ZBTB8A: variants seen among roughly 807,000 people sequenced by gnomAD.
ZBTB8A encodes the protein zinc finger and BTB domain containing 8A, also known as zinc finger and BTB domain-containing protein 8A.
ZBTB8A carries 19 observed loss-of-function variants against 37.8 expected under a neutral mutation model. The ratio of observed to expected loss-of-function variants is 0.50; its 90% CI spans 0.35 to 0.74. The LOEUF (loss-of-function observed/expected upper bound fraction) is 0.74, where lower values mean the gene tolerates loss of function less well. Ranked by LOEUF, ZBTB8A falls within the 30% of genes least tolerant of loss-of-function variation. The pLI is 0.01. For missense variants in ZBTB8A, 394 were observed against 537.8 expected, an observed-to-expected ratio of 0.73 and a Z score of 2.65; for synonymous variants, 181 against 185.2, an observed-to-expected ratio of 0.98 and a Z score of 0.19.
At chr1:32,553,256 C>T (rs888641666) in intron 1 of ZBTB8A, among the ~76,000 whole-genome samples, 7 of 152,044 alleles carry the variant, frequency 4.6e-5, no homozygotes, top group African/African-American at 1.7e-4. Flanking sequence ...GATGGGGTTT[C>T]ACCATATTGG....
At position 32,539,457 on chromosome 1, in the gene ZBTB8A, G is replaced by A. The variant is rs1243807106; in HGVS notation, c.-199G>A. The A allele has an allele frequency of 6.6e-6, 1 of 152,516 alleles. No individual in the cohort carries two copies. The highest frequency in any genetic ancestry group is 1.5e-5 in the Non-Finnish European group (1 of 68,022). 9.4% of individuals were successfully genotyped at this position (152,516 alleles called of 1,614,324 possible). A position where few individuals can be genotyped will look rare whatever the true frequency, so the allele number is the denominator to read the frequency against. On this transcript the variant is annotated 5_prime_UTR_variant, in exon 1 of 5. Coordinates refer to ENST00000373510, the MANE Select transcript of ZBTB8A (RefSeq NM_001040441.3). ...ATACCTTTTGTTTCTCTCACGTTGG[G>A]GCTACTTGTTTTAGGGCGCAAAGGA... is the stretch of plus-strand genomic sequence containing the variant.
chr1:32,556,119 G>T lies in ZBTB8A; in HGVS notation c.-2+2579G>T, dbSNP rs184860888. Among the ~76,000 whole-genome samples, 21 of 151,876 alleles carry T rather than the reference G, an allele frequency of 1.4e-4. No homozygotes were observed. In the East Asian group the frequency reaches 3.9e-3, roughly 28 times the overall value. ...GACAGAGTCTCACTCTGTCCCCCAG[G>T]CTGGAGTGCAGTAACGTGATCTCAG... On this transcript the variant is annotated intron_variant, in intron 2 of 4. Coordinates refer to ENST00000373510, the MANE Select transcript of ZBTB8A (RefSeq NM_001040441.3).
chr1:32,585,199 A>G (rs1176922341), intron 2 of ZBTB8A, among the ~76,000 whole-genome samples: 2 of 151,420 alleles, frequency 1.3e-5, no homozygotes, highest in Non-Finnish European at 2.9e-5. Flanking sequence ...TTATTTTTGT[A>G]GAGACAGTCT....
In ZBTB8A at chr1:32,544,773, G is replaced by A. The variant is rs1018264151; in HGVS notation, c.-84+5201G>A. Among the ~76,000 whole-genome samples, 4 of 152,156 alleles carry A rather than the reference G, an allele frequency of 2.6e-5. No homozygotes were observed. In the South Asian group the frequency reaches 8.3e-4, roughly 31 times the overall value. ...GGTATTATAATCTTATGGGACCACCGTCGTATATGTAGTCAGTTGTTGACC... is the reference window on the plus strand; with the variant it reads ...GGTATTATAATCTTATGGGACCACCATCGTATATGTAGTCAGTTGTTGACC... On this transcript the variant is annotated intron_variant, in intron 1 of 4. Coordinates refer to ENST00000373510, the MANE Select transcript of ZBTB8A (RefSeq NM_001040441.3).
At chr1:32,555,120 T>C (rs1282035156) in intron 2 of ZBTB8A, among the ~76,000 whole-genome samples, 1 of 152,182 alleles carries the variant, frequency 6.6e-6, no homozygotes, top group African/African-American at 2.4e-5. Flanking sequence ...CTAGGTGTAG[T>C]GGCTCACGCC....
intron 1 of ZBTB8A, among the ~76,000 whole-genome samples, chr1:32,549,083 C>G (rs774804339): frequency 5.9e-5 from 9 of 152,002 alleles, no homozygotes; most frequent in South Asian, 2.1e-4. Flanking sequence ...CCTAGCTACT[C>G]CAGAGGCAGA....
At chr1:32,556,268 C>T (rs1335323876) in intron 2 of ZBTB8A, among the ~76,000 whole-genome samples, 1 of 152,054 alleles carries the variant, frequency 6.6e-6, no homozygotes, top group East Asian at 1.9e-4. Flanking sequence ...CAGGGTTTCA[C>T]CATGTTGGCC....
intron 2 of ZBTB8A, among the ~76,000 whole-genome samples, chr1:32,581,383 C>T (rs568423447): frequency 7.1e-6 from 1 of 140,704 alleles, no homozygotes; most frequent in East Asian, 2.0e-4. Context: ...TAGAGTTTCC[C>T]TCTTGTTGCC....
At chr1:32,541,257 C>G (rs1048907372) in intron 1 of ZBTB8A, among the ~76,000 whole-genome samples, 3 of 152,178 alleles carry the variant, frequency 2.0e-5, no homozygotes, top group Admixed American at 6.5e-5. Flanking sequence ...TCTATGCAGC[C>G]TTACAAGCAC....
At chr1:32,588,711 C>T (rs774652164) in intron 2 of ZBTB8A, among the ~76,000 whole-genome samples, 42 of 151,956 alleles carry the variant, frequency 2.8e-4, no homozygotes, top group Non-Finnish European at 4.9e-4. Context: ...TGGCCAGGCC[C>T]GATGGCTCAC....
At chr1:32,587,967 A>C (rs1444932576) in intron 2 of ZBTB8A, among the ~76,000 whole-genome samples, 1 of 152,116 alleles carries the variant, frequency 6.6e-6, no homozygotes, top group African/African-American at 2.4e-5. Flanking sequence ...AAAGGACTGG[A>C]TTTGGAGTGC....
chr1:32,572,490 G>A (rs1644329490), intron 2 of ZBTB8A, among the ~76,000 whole-genome samples: 1 of 151,580 alleles, frequency 6.6e-6, no homozygotes, highest in Non-Finnish European at 1.5e-5. Flanking sequence ...CCGCCTCCTG[G>A]GTTCAGGTGA....
intron 2 of ZBTB8A, among the ~76,000 whole-genome samples, chr1:32,582,026 T>C (rs1056890409): frequency 4.6e-5 from 7 of 152,082 alleles, no homozygotes; most frequent in African/African-American, 1.4e-4. Flanking sequence ...AGCCAAACCA[T>C]ATTAAGCATT....
At position 32,593,099 on chromosome 1, in the gene ZBTB8A, T is replaced by G. The variant is rs76167391; in HGVS notation, c.168T>G (p.Asn56Lys). 52 of 1,614,212 alleles carry G rather than the reference T, an allele frequency of 3.2e-5. No homozygotes were observed. The African/African-American group carries it at 5.3e-4, about 17-fold the overall frequency. Residue 56 changes from asparagine to lysine, a missense_variant, in exon 3 of 5, where the codon AAT (asparagine) becomes AAG (lysine). Asn to Lys is a moderately conservative substitution (Grantham distance 94). Around this residue, in one of 4 missense-constraint regions of ZBTB8A, gnomAD observed 96 missense variants for 165.6 expected, o/e 0.58. Transcript: ENST00000373510. ...ACTTTAAAATGCTTCTTTCTCAGAA[T>G]TCAAAGGAGACGAGTCAGCCAACCA... The part of the protein sequence containing the change: ...SGYFKMLLSQ[N>K]SKETSQPTTA...
chr1:32,579,705 A>G (rs1644389456), intron 2 of ZBTB8A, among the ~76,000 whole-genome samples: 1 of 152,164 alleles, frequency 6.6e-6, no homozygotes, highest in Non-Finnish European at 1.5e-5. Context: ...ATAGTAGGAC[A>G]TACCTCACTT....
In ZBTB8A at chr1:32,562,425, C is replaced by T. The variant is rs1644250590; in HGVS notation, c.-2+8885C>T. Among the ~76,000 whole-genome samples the T allele has an allele frequency of 2.0e-5, 3 of 152,008 alleles. 1 individual carries two copies. Among genetic ancestry groups the T allele is most frequent in the Admixed American group, 2.0e-4 (3 of 15,228 alleles). On this transcript the variant is annotated intron_variant, in intron 2 of 4. Coordinates refer to ENST00000373510, the MANE Select transcript of ZBTB8A (RefSeq NM_001040441.3). ...TAGCTGGGATTACAAGGATGCGCCACCACGCCTGGCTAATTTTGTATTTTT... is the reference window on the plus strand; with the variant it reads ...TAGCTGGGATTACAAGGATGCGCCATCACGCCTGGCTAATTTTGTATTTTT...
At chr1:32,584,417 C>T (rs572079819) in intron 2 of ZBTB8A, among the ~76,000 whole-genome samples, 3 of 150,790 alleles carry the variant, frequency 2.0e-5, no homozygotes, top group East Asian at 1.9e-4. Flanking sequence ...CACTAATTTA[C>T]GATTTTTTAA....
intron 2 of ZBTB8A, among the ~76,000 whole-genome samples, chr1:32,572,077 A>AT (rs1415332356): frequency 6.6e-6 from 1 of 151,620 alleles, no homozygotes; most frequent in Non-Finnish European, 1.5e-5. Context: ...CTAATTTAGG[A>AT]TTTTTGTGTC....
chr1:32,545,528 G>T (rs1644096075), intron 1 of ZBTB8A, among the ~76,000 whole-genome samples: 1 of 152,154 alleles, frequency 6.6e-6, no homozygotes, highest in South Asian at 2.1e-4. Context: ...CTAATGATTG[G>T]TAGACCTATA....
Sources: allele counts gnomAD v4.1 joint callset (sites outside exome capture counted in the v4.1 genomes callset), GRCh38; gene constraint gnomAD v4.1.1; regional missense constraint gnomAD v4.1.1; transcripts MANE v1.5; gene names NCBI Gene and HGNC (gene_info 2026-07-23, HGNC 2026-07-21).